The following DTNA variants were observed in gnomAD, a reference collection of about 807,000 sequenced individuals.
DTNA encodes the protein dystrophin-related protein 3.
DTNA carries 43 observed loss-of-function variants against 100.7 expected under a neutral mutation model. The ratio of observed to expected loss-of-function variants is 0.43; its 90% confidence interval spans 0.33 to 0.55. DTNA has a LOEUF of 0.55. Ranked by LOEUF, DTNA falls within the 20% of genes least tolerant of loss-of-function variation. The pLI, the probability that DTNA is intolerant of heterozygous loss-of-function variation, is 0.04. For missense variants in DTNA, 798 were observed against 953.9 expected (o/e 0.84, Z 2.15); for synonymous variants, 349 against 347.9 (o/e 1.00, Z -0.04).
At chr18:34,618,293 T>C (rs916449686) in intron 1 of DTNA, among the ~76,000 whole-genome samples, 2 of 152,224 alleles carry the variant, frequency 1.3e-5, no homozygotes, top group Non-Finnish European at 2.9e-5. Flanking sequence ...TTTATGGGGT[T>C]CATTCTCCTT....
chr18:34,861,849 C>G (rs750448458), intron 16 of DTNA, among the ~76,000 whole-genome samples: 1 of 152,028 alleles, frequency 6.6e-6, no homozygotes, highest in Non-Finnish European at 1.5e-5. Context: ...AATTAATTTG[C>G]CATTACTCTT....
At chr18:34,658,643 GAAT>G (rs1396181940) in intron 1 of DTNA, among the ~76,000 whole-genome samples, 3 of 152,190 alleles carry the variant, frequency 2.0e-5, no homozygotes, top group Non-Finnish European at 4.4e-5. Context: ...TTGAGCCACT[GAAT>G]GTGGCCTTTA....
intron 1 of DTNA, among the ~76,000 whole-genome samples, chr18:34,738,521 CCA>C (rs1171184202): frequency 1.3e-5 from 2 of 152,108 alleles, no homozygotes; most frequent in African/African-American, 4.8e-5. Context: ...ATCTAGATTA[CCA>C]AGCAAACCAG....
upstream of DTNA, among the ~76,000 whole-genome samples, chr18:34,707,825 G>A (rs1466015015): frequency 6.6e-6 from 1 of 152,152 alleles, no homozygotes; most frequent in African/African-American, 2.4e-5. Flanking sequence ...TAATTTTCCG[G>A]TGTAGCTGCT....
intron 1 of DTNA, among the ~76,000 whole-genome samples, chr18:34,661,381 G>A (rs951221413): frequency 1.3e-5 from 2 of 152,142 alleles, no homozygotes; most frequent in Admixed American, 1.3e-4. Context: ...TGATGGCCCT[G>A]CCTTCTGTTA....
At position 34,584,570 on chromosome 18, in the gene DTNA, A is replaced by G. The variant is rs180779636; in HGVS notation, c.-2+91056A>G. On this transcript the variant is annotated intron_variant, in intron 1 of 19. Coordinates refer to the DTNA transcript ENST00000283365. ...ATGACAAAAAGAAGATAAATAGAAA[A>G]GATAATAACGTTAGAGTTTGAGTCT... Among the ~76,000 whole-genome samples the G allele has an allele frequency of 4.4e-4, 67 of 152,346 alleles. No individual in the cohort carries two copies. In the East Asian group the frequency reaches 0.011, roughly 25 times the overall value.
intron 4 of DTNA, among the ~76,000 whole-genome samples, chr18:34,805,105 C>T (rs984602825): frequency 6.6e-6 from 1 of 152,166 alleles, no homozygotes; most frequent in Admixed American, 6.5e-5. Flanking sequence ...AGATTAGCAA[C>T]TATCAAATAA....
At chr18:34,848,484 C>A in intron 14 of DTNA, 101 bp downstream of exon 14, 2 of 1,220,858 alleles carry the variant, frequency 1.6e-6, no homozygotes, top group Non-Finnish European at 2.4e-6. Context: ...ATTACCAGGA[C>A]AATTTGTGCT....
intron 9 of DTNA, among the ~76,000 whole-genome samples, chr18:34,824,348 C>T (rs1043522540): frequency 2.6e-5 from 4 of 151,942 alleles, no homozygotes; most frequent in African/African-American, 4.8e-5. Context: ...TGGTGGTGGG[C>T]GCCTGTAGTC....
rs186718707 is a variant in DTNA, at chr18:34,725,798, C to T, written c.-2+15353C>T. Among the ~76,000 whole-genome samples, 553 of 152,284 alleles carry T rather than the reference C, an allele frequency of 3.6e-3. 1 individual carries two copies. The highest frequency in any genetic ancestry group is 0.017 in the Middle Eastern group (5 of 294). ...ATTCTACTATAAAGACACATGCACA[C>T]GTGTGTTTATTGCAGCACTGTTCAC... On this transcript the variant is annotated intron_variant, in intron 1 of 22. Coordinates refer to ENST00000444659, the MANE Select transcript of DTNA (RefSeq NM_001386795.1).
At chr18:34,840,630 G>C (rs1603109095) in intron 13 of DTNA, among the ~76,000 whole-genome samples, 1 of 152,076 alleles carries the variant, frequency 6.6e-6, no homozygotes, top group Admixed American at 6.6e-5. Context: ...ATATTGACTT[G>C]ATGGTTACTT....
rs759223442 is a variant in DTNA, at chr18:34,806,240, A to G, written c.384A>G (p.Ser128=). The G allele has an allele frequency of 9.9e-6, 16 of 1,613,860 alleles. No homozygotes were observed. The highest frequency in any genetic ancestry group is 1.4e-5 in the Non-Finnish European group (16 of 1,179,872). Residue 128 remains serine (S), a synonymous_variant, in exon 5 of 23, where the codon TCA becomes TCG. Transcript: ENST00000444659. ...ACAGGGAAGGCCATGGTAAAATTTCAGTATTTGCTGTCAAAATGGCTTTAG... is the reference window on the plus strand; with the variant it reads ...ACAGGGAAGGCCATGGTAAAATTTCGGTATTTGCTGTCAAAATGGCTTTAG... ...AFDPEGHGKI[S]VFAVKMALAT... is the part of the protein sequence containing the mutation.
At chr18:34,592,469 C>G (rs1198966017) in intron 1 of DTNA, among the ~76,000 whole-genome samples, 1 of 43,144 alleles carries the variant, frequency 2.3e-5, no homozygotes, top group Non-Finnish European at 1.1e-4. Context: ...ACTTGTATAA[C>G]ACACACACAC....
chr18:34,552,317 T>C (rs984575479), intron 1 of DTNA, among the ~76,000 whole-genome samples: 18 of 152,136 alleles, frequency 1.2e-4, no homozygotes, highest in Middle Eastern at 6.3e-3. Context: ...CCCTGAGTTA[T>C]AGATCACTAT....
chr18:34,650,288 C>T (rs1200473297), intron 1 of DTNA, among the ~76,000 whole-genome samples: 1 of 152,016 alleles, frequency 6.6e-6, no homozygotes, highest in Non-Finnish European at 1.5e-5. Context: ...ATAAGAACTA[C>T]AAGCAGAAAG....
chr18:34,554,521 T>C (rs1243568710), intron 1 of DTNA, among the ~76,000 whole-genome samples: 3 of 151,284 alleles, frequency 2.0e-5, no homozygotes. Flanking sequence ...TTGTCATAGA[T>C]AGCTCTTATT....
At chr18:34,632,830 G>T (rs554558909) in intron 1 of DTNA, among the ~76,000 whole-genome samples, 6 of 151,898 alleles carry the variant, frequency 4.0e-5, no homozygotes, top group South Asian at 4.2e-4. Flanking sequence ...TTCTTTTTCT[G>T]TTAAGCTAGT....
intron 4 of DTNA, among the ~76,000 whole-genome samples, chr18:34,796,577 C>T (rs2094979802): frequency 1.3e-5 from 2 of 152,040 alleles, no homozygotes; most frequent in Non-Finnish European, 2.9e-5. Context: ...AGATTTTTCT[C>T]CCATTTGTCG....
intron 1 of DTNA, among the ~76,000 whole-genome samples, chr18:34,714,506 G>A (rs1353911826): frequency 6.7e-6 from 1 of 149,748 alleles, no homozygotes; most frequent in Non-Finnish European, 1.5e-5. Flanking sequence ...CTGGCCATCA[G>A]AGAAATGCAA....
Sources: allele counts gnomAD v4.1 joint callset (sites outside exome capture counted in the v4.1 genomes callset), GRCh38; gene constraint gnomAD v4.1.1; transcripts MANE v1.5; gene names NCBI Gene and HGNC (gene_info 2026-07-23, HGNC 2026-07-21).